Variants in TRHDE observed in about 807,000 individuals in gnomAD.
TRHDE encodes the protein thyrotropin-releasing hormone-degrading ectoenzyme.
A neutral mutation model predicts 125.7 loss-of-function variants in TRHDE; 72 were observed. The observed-to-expected ratio is 0.57, with a 90% CI of 0.47 to 0.70. The LOEUF (loss-of-function observed/expected upper bound fraction) is 0.70. Ranked by LOEUF, TRHDE falls within the 30% of genes least tolerant of loss-of-function variation. The probability of loss-of-function intolerance (pLI) is 0.00; values close to 1 mark genes in which losing one functional copy is unlikely to be tolerated. For synonymous variants in TRHDE, 509 were observed against 509.1 expected (o/e 1.00, Z 0.00); for missense variants, 1,110 against 1,327.1 (o/e 0.84, Z 2.54).
At chr12:72,244,694 C>T (rs953577479) in intron 2 of TRHDE, among the ~76,000 whole-genome samples, 1 of 151,824 alleles carries the variant, frequency 6.6e-6, no homozygotes, top group Non-Finnish European at 1.5e-5. Context: ...GGCAGTATGA[C>T]AGGTTGATCA....
intron 5 of TRHDE, among the ~76,000 whole-genome samples, chr12:72,481,437 GT>G (rs1282563877): frequency 6.7e-6 from 1 of 149,608 alleles, no homozygotes; most frequent in African/African-American, 2.4e-5. Context: ...TCCTTTATCC[GT>G]TTTAATAGTA....
intron 7 of TRHDE, among the ~76,000 whole-genome samples, chr12:72,548,828 C>G (rs572470131): frequency 6.6e-6 from 1 of 151,714 alleles, no homozygotes; most frequent in Non-Finnish European, 1.5e-5. Flanking sequence ...TAGTACCATT[C>G]TTCATGTTGT....
At chr12:72,292,880 T>G (rs1880141360) in intron 2 of TRHDE, among the ~76,000 whole-genome samples, 1 of 152,210 alleles carries the variant, frequency 6.6e-6, no homozygotes. Flanking sequence ...AGTAACCATT[T>G]TTAATGCTCA....
chr12:72,601,940 A>AT (rs1221612414), intron 12 of TRHDE, among the ~76,000 whole-genome samples: 1 of 152,116 alleles, frequency 6.6e-6, no homozygotes, highest in African/African-American at 2.4e-5. Context: ...ATGGTAACAA[A>AT]TTTTGAGGTA....
chr12:72,104,282 C>T (rs1457525255), intron 1 of TRHDE, among the ~76,000 whole-genome samples: 1 of 152,150 alleles, frequency 6.6e-6, no homozygotes, highest in African/African-American at 2.4e-5. Flanking sequence ...CTATGTGGTC[C>T]TTCCATGTGA....
chr12:72,508,658 T>C (rs186197638), intron 6 of TRHDE, among the ~76,000 whole-genome samples: 182 of 152,210 alleles, frequency 1.2e-3, no homozygotes, highest in African/African-American at 4.2e-3. Flanking sequence ...TTGTGGACTT[T>C]TGAGTTAATG....
chr12:72,326,802 A>G (rs2135715654), intron 2 of TRHDE, among the ~76,000 whole-genome samples: 1 of 152,312 alleles, frequency 6.6e-6, no homozygotes, highest in South Asian at 2.1e-4. Context: ...GCAATCCTTC[A>G]CATTGAACAA....
intron 12 of TRHDE, among the ~76,000 whole-genome samples, chr12:72,580,404 C>T (rs1293028672): frequency 3.9e-5 from 6 of 152,128 alleles, no homozygotes; most frequent in Non-Finnish European, 8.8e-5. Context: ...AAATTAGTAA[C>T]TAAAATGCCT....
chr12:72,396,135 A>C (rs1161162747), intron 3 of TRHDE, among the ~76,000 whole-genome samples: 1 of 152,104 alleles, frequency 6.6e-6, no homozygotes, highest in African/African-American at 2.4e-5. Context: ...TTCTCACATC[A>C]TCAGGTCCCC....
chr12:72,364,980 A>T (rs1012088128), intron 2 of TRHDE, among the ~76,000 whole-genome samples: 8 of 152,108 alleles, frequency 5.3e-5, no homozygotes, highest in South Asian at 2.1e-4. Context: ...ATTTTCTACA[A>T]AAGAGGTAGT....
chr12:72,660,877 C>T (rs1348275381), intron 18 of TRHDE, among the ~76,000 whole-genome samples: 1 of 152,106 alleles, frequency 6.6e-6, no homozygotes, highest in South Asian at 2.1e-4. Flanking sequence ...CTTTCTTTTA[C>T]CCCAAGCCCT....
chr12:72,470,460 C>T (rs899255472), intron 4 of TRHDE, among the ~76,000 whole-genome samples: 2 of 152,098 alleles, frequency 1.3e-5, no homozygotes, highest in Admixed American at 6.6e-5. Context: ...TGTAAATTTG[C>T]CAACTTTGTA....
intron 7 of TRHDE, among the ~76,000 whole-genome samples, chr12:72,552,221 A>C (rs1869712364): frequency 6.6e-6 from 1 of 152,198 alleles, no homozygotes; most frequent in African/African-American, 2.4e-5. Flanking sequence ...GGCAGTCAGC[A>C]TACCAAGAAA....
chr12:72,524,484 AT>A (rs1430575432), intron 6 of TRHDE, among the ~76,000 whole-genome samples: 1 of 151,904 alleles, frequency 6.6e-6, no homozygotes, highest in Non-Finnish European at 1.5e-5. Context: ...CAATTGGTCC[AT>A]TTCCTTTGCA....
intron 3 of TRHDE, among the ~76,000 whole-genome samples, chr12:72,405,639 CAG>C (rs1025160271): frequency 6.6e-6 from 1 of 152,164 alleles, no homozygotes; most frequent in Non-Finnish European, 1.5e-5. Flanking sequence ...TAAAAGCAAA[CAG>C]AAAACCACTT....
At chr12:72,348,023 T>G (rs1482459077) in intron 2 of TRHDE, among the ~76,000 whole-genome samples, 1 of 152,000 alleles carries the variant, frequency 6.6e-6, no homozygotes, top group Non-Finnish European at 1.5e-5. Flanking sequence ...GATTTGCACT[T>G]GAAGTAGATG....
At chr12:72,443,335 G>A (rs1047939900) in intron 3 of TRHDE, among the ~76,000 whole-genome samples, 1 of 151,350 alleles carries the variant, frequency 6.6e-6, no homozygotes, top group Non-Finnish European at 1.5e-5. Context: ...ACTCTAGAAA[G>A]CCTTTTTTGT....
chr12:72,165,820 G>A lies in TRHDE; in HGVS notation n.279+60068G>A, dbSNP rs190657668. On this transcript the variant is annotated intron_variant and non_coding_transcript_variant, in intron 2 of 4. Transcript: ENST00000548156. ...CTCCTGAATAGCTGGGACTACAGGCGCCCGCCACCACGCCTGGCTAATTTT... is the reference window on the plus strand; with the variant it reads ...CTCCTGAATAGCTGGGACTACAGGCACCCGCCACCACGCCTGGCTAATTTT... Among the ~76,000 whole-genome samples the A allele has an allele frequency of 4.3e-3, 646 of 151,914 alleles. 5 individuals are homozygous for A. The highest frequency in any genetic ancestry group is 0.014 in the African/African-American group (574 of 41,410).
chr12:72,204,414 T>G (rs545929367), intron 2 of TRHDE, among the ~76,000 whole-genome samples: 1 of 152,310 alleles, frequency 6.6e-6, no homozygotes, highest in East Asian at 1.9e-4. Context: ...TATTTTTTTC[T>G]ATATAAATTA....
Sources: gnomAD v4.1 joint callset for allele counts (sites outside exome capture counted in the v4.1 genomes callset) on GRCh38, gnomAD v4.1.1 for gene constraint, MANE v1.5 for transcripts, NCBI Gene and HGNC (gene_info 2026-07-23, HGNC 2026-07-21) for gene names.